Variants in CTNNA2 observed in about 807,000 individuals in gnomAD.
The protein encoded by CTNNA2 is catenin alpha 2, also known as catenin alpha-2.
CTNNA2 carries 42 observed loss-of-function variants against 101.0 expected under a neutral mutation model. The observed-to-expected ratio is 0.42, with a 90% CI of 0.32 to 0.54. CTNNA2 has a LOEUF of 0.54. CTNNA2 is among the 20% of genes least tolerant of loss of function. The pLI, the probability that CTNNA2 is intolerant of heterozygous loss-of-function variation, is 0.14. For missense variants in CTNNA2, 871 were observed against 1,223.1 expected, an observed-to-expected ratio of 0.71 and a Z score of 4.29; for synonymous variants, 450 against 456.4, an observed-to-expected ratio of 0.99 and a Z score of 0.18.
intron 7 of CTNNA2, among the ~76,000 whole-genome samples, chr2:80,073,794 C>T (rs1347959474): frequency 6.6e-6 from 1 of 150,408 alleles, no homozygotes; most frequent in Non-Finnish European, 1.5e-5. Context: ...GGTCATATCA[C>T]ATATGTTGTT....
At chr2:80,545,858 C>T in intron 10 of CTNNA2, 49 bp from the exon 11 acceptor site, 1 of 1,592,586 alleles carries the variant, frequency 6.3e-7, no homozygotes, top group East Asian at 2.2e-5. Context: ...GCTTATTCCT[C>T]TTTTGAAGTG....
chr2:79,976,750 C>T (rs976981475), intron 7 of CTNNA2, among the ~76,000 whole-genome samples: 1 of 152,178 alleles, frequency 6.6e-6, no homozygotes, highest in Non-Finnish European at 1.5e-5. Context: ...CCACTGTTTC[C>T]TTGGTGAAGG....
chr2:79,387,560 G>C (rs1171042452), intron 4 of CTNNA2, among the ~76,000 whole-genome samples: 2 of 152,098 alleles, frequency 1.3e-5, no homozygotes, highest in Non-Finnish European at 2.9e-5. Flanking sequence ...CAGCTACATA[G>C]GCCAAACACC....
At chr2:80,108,051 G>T (rs1700998391) in intron 7 of CTNNA2, among the ~76,000 whole-genome samples, 1 of 152,156 alleles carries the variant, frequency 6.6e-6, no homozygotes, top group African/African-American at 2.4e-5. Flanking sequence ...ATAGAGAGAA[G>T]AAAAAGGACA....
chr2:79,985,051 A>G (rs1000260417), intron 7 of CTNNA2, among the ~76,000 whole-genome samples: 3 of 152,124 alleles, frequency 2.0e-5, no homozygotes, highest in African/African-American at 7.2e-5. Context: ...AAAAATGTTT[A>G]CCTTCTGGCT....
chr2:79,792,557 T>C (rs578099951), intron 3 of CTNNA2, among the ~76,000 whole-genome samples: 19 of 152,274 alleles, frequency 1.2e-4, no homozygotes, highest in African/African-American at 4.3e-4. Context: ...TTACTTTACC[T>C]GCCTCATTGC....
chr2:79,646,204 A>T (rs1360813388), intron 1 of CTNNA2, among the ~76,000 whole-genome samples: 1 of 152,212 alleles, frequency 6.6e-6, no homozygotes, highest in African/African-American at 2.4e-5. Flanking sequence ...GCAGTGAACG[A>T]TGCATTGTAT....
intron 7 of CTNNA2, among the ~76,000 whole-genome samples, chr2:79,911,075 C>T (rs575064499): frequency 2.6e-5 from 4 of 152,148 alleles, no homozygotes; most frequent in Admixed American, 6.5e-5. Context: ...CTTATGAGGA[C>T]GTCTCTATAG....
At chr2:79,523,707 C>A (rs1672245401) in intron 1 of CTNNA2, among the ~76,000 whole-genome samples, 1 of 152,154 alleles carries the variant, frequency 6.6e-6, no homozygotes, top group African/African-American at 2.4e-5. Flanking sequence ...CTTCCACCAA[C>A]AATATGAAAG....
intron 4 of CTNNA2, among the ~76,000 whole-genome samples, chr2:79,425,767 G>A (rs6547240): frequency 0.69 from 105,680 of 152,068 alleles, 37,787 homozygotes; most frequent in African/African-American, 0.87. Flanking sequence ...TATTCTTTAT[G>A]AAATCTTACC....
chr2:80,264,445 T>G (rs889001678), intron 7 of CTNNA2, among the ~76,000 whole-genome samples: 5 of 152,126 alleles, frequency 3.3e-5, no homozygotes, highest in Non-Finnish European at 5.9e-5. Flanking sequence ...TAAAAATGTA[T>G]TAGAAGTTAT....
intron 9 of CTNNA2, among the ~76,000 whole-genome samples, chr2:80,426,175 G>C (rs922632545): frequency 6.6e-6 from 1 of 152,102 alleles, no homozygotes; most frequent in Admixed American, 6.6e-5. Flanking sequence ...AGGGTATGCC[G>C]AGCTGATCCA....
chr2:80,297,968 T>G (rs1675897836), intron 7 of CTNNA2, among the ~76,000 whole-genome samples: 1 of 151,816 alleles, frequency 6.6e-6, no homozygotes, highest in Admixed American at 6.6e-5. Flanking sequence ...TGCCTGCGCG[T>G]GTATGGGTGT....
chr2:79,729,489 G>C (rs1484013761), intron 2 of CTNNA2, among the ~76,000 whole-genome samples: 1 of 152,066 alleles, frequency 6.6e-6, no homozygotes, highest in African/African-American at 2.4e-5. Flanking sequence ...TCACTCTGCA[G>C]TATTGAATGC....
intron 9 of CTNNA2, among the ~76,000 whole-genome samples, chr2:80,534,834 C>A (rs183675913): frequency 1.3e-5 from 2 of 151,952 alleles, no homozygotes; most frequent in African/African-American, 4.8e-5. Context: ...ATTTCACTTC[C>A]GACAGGAGCA....
At chr2:80,379,527 A>T (rs1185572056) in intron 7 of CTNNA2, among the ~76,000 whole-genome samples, 1 of 152,182 alleles carries the variant, frequency 6.6e-6, no homozygotes, top group East Asian at 1.9e-4. Flanking sequence ...ACTGGGAATT[A>T]AGCAGAATTG....
At chr2:80,502,030 G>A (rs2149534371) in intron 9 of CTNNA2, among the ~76,000 whole-genome samples, 1 of 152,230 alleles carries the variant, frequency 6.6e-6, no homozygotes, top group South Asian at 2.1e-4. Context: ...GTAGTAGAAA[G>A]GAAAACATGG....
chr2:79,480,067 A>G (rs1439050066), intron 4 of CTNNA2, among the ~76,000 whole-genome samples: 2 of 152,110 alleles, frequency 1.3e-5, no homozygotes, highest in Non-Finnish European at 2.9e-5. Context: ...CTCATGGTGG[A>G]AGGAAAAGGG....
intron 9 of CTNNA2, among the ~76,000 whole-genome samples, chr2:80,443,585 G>GGT (rs1682795595): frequency 6.6e-6 from 1 of 152,126 alleles, no homozygotes; most frequent in East Asian, 1.9e-4. Flanking sequence ...TATAGTGTGT[G>GGT]GTTAAGTGTA....
Sources: allele counts gnomAD v4.1 joint callset (sites outside exome capture counted in the v4.1 genomes callset), GRCh38; gene constraint gnomAD v4.1.1; transcripts MANE v1.5; gene names NCBI Gene and HGNC (gene_info 2026-07-23, HGNC 2026-07-21).